PLAUR: variants seen among roughly 807,000 people sequenced by gnomAD.
PLAUR encodes urokinase plasminogen activator surface receptor.
PLAUR carries 22 observed loss-of-function variants against 33.4 expected under a neutral mutation model. The ratio of observed to expected loss-of-function variants is 0.66; its 90% CI spans 0.47 to 0.94. PLAUR has a LOEUF of 0.94. PLAUR is among the 40% of genes least tolerant of loss of function. PLAUR has a pLI of 0.00. For synonymous variants in PLAUR, 148 were observed against 167.3 expected (o/e 0.88, Z 0.89); for missense variants, 408 against 434.7 (o/e 0.94, Z 0.55).
chr19:43,651,875 C>T, intron 6 of PLAUR: 3 of 1,038,258 alleles, frequency 2.9e-6, no homozygotes, highest in Non-Finnish European at 2.3e-6. Flanking sequence ...AGAAATCCAC[C>T]AAAGAATTCC....
At chr19:43,668,350 G>A (rs1238802548) in intron 1 of PLAUR, 6 of 972,108 alleles carry the variant, frequency 6.2e-6, no homozygotes, top group Non-Finnish European at 6.1e-6. Context: ...CAGACTCATC[G>A]TCGAGGTTCT....
intron 6 of PLAUR, among the ~76,000 whole-genome samples, chr19:43,651,571 G>T (rs1205611065): frequency 6.6e-6 from 1 of 151,798 alleles, no homozygotes; most frequent in African/African-American, 2.4e-5. Flanking sequence ...AGTAGCTGGG[G>T]TTATAGGTGC....
At chr19:43,667,553 G>A (rs767783512) in intron 2 of PLAUR, 28 bp downstream of exon 2, 3 of 1,461,432 alleles carry the variant, frequency 2.1e-6, no homozygotes. Flanking sequence ...CTGCGCTGGA[G>A]GGGTGTGTGG....
At chr19:43,646,754 T>C (rs1973830491), downstream of PLAUR, among the ~76,000 whole-genome samples, 1 of 149,762 alleles carries the variant, frequency 6.7e-6, no homozygotes, top group African/African-American at 2.4e-5. Flanking sequence ...AAGAACCTTG[T>C]CCCTCACCTG....
intron 2 of PLAUR, chr19:43,667,282 G>T (rs1967297193): frequency 2.3e-6 from 1 of 428,200 alleles, no homozygotes; most frequent in Admixed American, 3.7e-5. Flanking sequence ...TTTCTGCATG[G>T]CGAGGAGTTG....
chr19:43,647,616 GAAC>G (rs1174111721), downstream of PLAUR, among the ~76,000 whole-genome samples: 1 of 152,100 alleles, frequency 6.6e-6, no homozygotes, highest in African/African-American at 2.4e-5. Context: ...AGACCAGCCT[GAAC>G]AACATGGAGA....
At chr19:43,657,758 A>G (rs1400548032) in intron 3 of PLAUR, among the ~76,000 whole-genome samples, 2 of 152,262 alleles carry the variant, frequency 1.3e-5, no homozygotes, top group African/African-American at 4.8e-5. Context: ...ACCACCTGGC[A>G]CATGGCCAGG....
Position 43,656,581 on chromosome 19 carries a change from C to A in PLAUR, c.370G>T (p.Asp124Tyr). The A allele has an allele frequency of 6.2e-7, 1 of 1,612,574 alleles. No homozygotes were observed. The highest frequency in any genetic ancestry group is 1.1e-5 in the South Asian group (1 of 90,924). ...TGCCGGCCCCTCTCACAGCTCATGT[C>A]TGATGAGCCACAGGAAATGCATTCG... ...YLECISCGSS[D>Y]MSCERGRHQS... The change falls in exon 4 of 7, where the codon GAC becomes TAC. Residue 124 changes from aspartate to tyrosine, a missense_variant. Coordinates refer to ENST00000340093, the MANE Select transcript of PLAUR (RefSeq NM_002659.4).
Position 43,665,369 on chromosome 19 carries a change from G to A in PLAUR, c.257C>T (p.Thr86Ile). Residue 86 changes from threonine (T) to isoleucine (I), a missense_variant, in exon 3 of 7, where the codon ACC becomes ATC. Coordinates refer to ENST00000340093, the MANE Select transcript of PLAUR (RefSeq NM_002659.4). ...TLSYRTGLKI[T>I]SLTEVVCGLD... The stretch of plus-strand genomic sequence containing the variant: ...CCCACACACAACCTCGGTAAGGCTG[G>A]TGATCTTCAAGCCAGTCCGATAGCT... 1.2e-6 allele frequency: 2 copies of A among 1,613,976 alleles called. No individual in the cohort carries two copies. The highest frequency in any genetic ancestry group is 1.7e-6 in the Non-Finnish European group (2 of 1,180,000).
intron 3 of PLAUR, among the ~76,000 whole-genome samples, chr19:43,662,430 G>A (rs777972884): frequency 3.3e-5 from 5 of 152,136 alleles, no homozygotes; most frequent in Non-Finnish European, 7.4e-5. Flanking sequence ...CCTAGGAGGC[G>A]GAGGTTGCAG....
chr19:43,666,875 T>C (rs1967278624), intron 2 of PLAUR, among the ~76,000 whole-genome samples: 2 of 143,792 alleles, frequency 1.4e-5, no homozygotes, highest in Non-Finnish European at 3.0e-5. Flanking sequence ...GGCCCACCTT[T>C]CTCTCTTTCG....
intron 4 of PLAUR, among the ~76,000 whole-genome samples, chr19:43,655,795 T>A (rs1235309134): frequency 1.3e-5 from 2 of 152,140 alleles, no homozygotes; most frequent in Non-Finnish European, 2.9e-5. Context: ...TAAATAGAAG[T>A]GCTTTATGGG....
At chr19:43,662,055 C>G (rs1373677275) in intron 3 of PLAUR, among the ~76,000 whole-genome samples, 1 of 152,136 alleles carries the variant, frequency 6.6e-6, no homozygotes, top group African/African-American at 2.4e-5. Flanking sequence ...AATCTATCCA[C>G]TTTTCTTCCT....
Position 43,653,843 on chromosome 19 carries a change from C to T in PLAUR, c.608-1472G>A, listed in dbSNP as rs144197460. ...AAAGTTTTAAAAATTTAGCTGGGTG[C>T]GGCCGGGCGTGGTGGCTCACGCCTG... On this transcript the variant is annotated intron_variant, in intron 5 of 6. Coordinates refer to ENST00000340093, the MANE Select transcript of PLAUR (RefSeq NM_002659.4). Among the ~76,000 whole-genome samples, 635 of 150,226 alleles carry T rather than the reference C, an allele frequency of 4.2e-3. 4 individuals carry two copies. Among genetic ancestry groups the T allele is most frequent in the Admixed American group, 8.6e-3 (129 of 15,052 alleles).
intron 5 of PLAUR, among the ~76,000 whole-genome samples, chr19:43,653,767 C>A (rs927863848): frequency 6.6e-6 from 1 of 152,142 alleles, no homozygotes; most frequent in Non-Finnish European, 1.5e-5. Flanking sequence ...ATTGCTTGAG[C>A]CTGGGAGTTT....
chr19:43,651,903 G>A (rs1974007945), intron 6 of PLAUR: 1 of 1,065,870 alleles, frequency 9.4e-7, no homozygotes, highest in Non-Finnish European at 1.1e-6. Flanking sequence ...TTTTTGTAGA[G>A]ATGGGGGTCT....
At chr19:43,656,766 T>C (rs1158389525) in intron 3 of PLAUR, 126 bp from the exon 4 acceptor site, 3 of 730,004 alleles carry the variant, frequency 4.1e-6, no homozygotes, top group African/African-American at 3.6e-5. Context: ...GAGCCCTGCC[T>C]ATTCTGCCTG....
chr19:43,665,574 G>A, intron 2 of PLAUR, 115 bp from the exon 3 acceptor site: 2 of 1,008,242 alleles, frequency 2.0e-6, no homozygotes, highest in African/African-American at 3.3e-5. Context: ...GGCCTCTTCT[G>A]TTATTTGAGT....
chr19:43,669,992 T>A (rs1342896797), intron 1 of PLAUR, 74 bp downstream of exon 1: 8 of 1,407,960 alleles, frequency 5.7e-6, no homozygotes, highest in Non-Finnish European at 8.0e-6. Context: ...TTCCTCCAAC[T>A]CATCCTCTGA....
Sources: allele counts gnomAD v4.1 joint callset (sites outside exome capture counted in the v4.1 genomes callset), GRCh38; gene constraint gnomAD v4.1.1; transcripts MANE v1.5; gene names NCBI Gene and HGNC (gene_info 2026-07-23, HGNC 2026-07-21).